The following AGAP1 variants were observed in gnomAD, a reference collection of about 807,000 sequenced individuals.
AGAP1 encodes arf-GAP with GTPase, ANK repeat and PH domain-containing protein 1.
AGAP1 carries 29 observed loss-of-function variants against 105.3 expected under a neutral mutation model. That is an observed-to-expected ratio of 0.28 (90% CI 0.21 to 0.38). The LOEUF (loss-of-function observed/expected upper bound fraction) is 0.38, where lower values mean the gene tolerates loss of function less well. Ranked by LOEUF, AGAP1 falls within the 10% of genes least tolerant of loss-of-function variation. The pLI is 1.00. For synonymous variants in AGAP1, 509 were observed against 485.9 expected (o/e 1.05, Z -0.63); for missense variants, 998 against 1,165.1 (o/e 0.86, Z 2.09).
Position 235,751,831 on chromosome 2 carries a change from C to T in AGAP1, c.673+1343C>T, listed in dbSNP as rs1255085186. Reference sequence around the variant, plus strand: ...TTATCCAGTGCCAATGCTGAAGAAGCGCAGGGTCCCCTGAGGATCAGCACA... The same window carrying T: ...TTATCCAGTGCCAATGCTGAAGAAGTGCAGGGTCCCCTGAGGATCAGCACA... On this transcript the variant is annotated intron_variant, in intron 6 of 17. Transcript: ENST00000304032. The surrounding 1 kb of genome is among the most constrained non-coding windows in gnomAD (Gnocchi z 5.3). 1.3e-5 allele frequency among the ~76,000 whole-genome samples: 2 copies of T among 152,302 alleles called. No homozygotes were observed. Among genetic ancestry groups the T allele is most frequent in the East Asian group, 1.9e-4 (1 of 5,180 alleles).
rs1951329219 is a variant in AGAP1, at chr2:235,720,544, C to T, written c.310+2900C>T. The T allele has an allele frequency of 2.2e-6, 1 of 452,850 alleles. No homozygotes were observed. The highest frequency in any genetic ancestry group is 2.9e-6 in the Non-Finnish European group (1 of 343,868). 28.1% of individuals were successfully genotyped at this position (452,850 alleles called of 1,614,324 possible). A position where few individuals can be genotyped will look rare whatever the true frequency, so the allele number is the denominator to read the frequency against. On this transcript the variant is annotated intron_variant, in intron 3 of 17. Coordinates refer to ENST00000304032, the MANE Select transcript of AGAP1 (RefSeq NM_001037131.3). The surrounding 1 kb of genome is among the most constrained non-coding windows in gnomAD (Gnocchi z 5.0). ...TGTGGCCTTCCCATTTCTTGGTGTA[C>T]TGCTGCCTTCTCATCAGACCTCCTT...
rs1575248061 is a variant in AGAP1 at position 235,729,111 on chromosome 2, A to G, written c.310+11467A>G. 6.6e-6 allele frequency among the ~76,000 whole-genome samples: 1 copy of G among 151,986 alleles called. No homozygotes were observed. Among genetic ancestry groups the G allele is most frequent in the African/African-American group, 2.4e-5 (1 of 41,348 alleles). ...GCAGGAGCACTGGCTTTGGAGGGGG[A>G]CCTAAGAGGACAGATAGGGGAATCC... is the stretch of plus-strand genomic sequence containing the variant. On this transcript the variant is annotated intron_variant, in intron 3 of 17. Coordinates refer to ENST00000304032, the MANE Select transcript of AGAP1 (RefSeq NM_001037131.3). This position sits in a 1 kb window ranked among gnomAD's most constrained non-coding sequence, Gnocchi z 5.0.
At position 235,589,189 on chromosome 2, in the gene AGAP1, G is replaced by GTTT. The variant is rs1205771315; in HGVS notation, c.163+94342_163+94344dup. ...GAGAACTACCAGTTAATAGCTTATT[G>GTTT]TTTTGTTTTTTTTTTTTTTTTTTTT... is the stretch of plus-strand genomic sequence containing the variant. On this transcript the variant is annotated intron_variant, in intron 1 of 17. Transcript: ENST00000304032. 9.7e-3 allele frequency among the ~76,000 whole-genome samples: 533 copies of GTTT among 54,828 alleles called. 80 individuals are homozygous for GTTT. Among genetic ancestry groups the GTTT allele is most frequent in the Middle Eastern group, 0.047 (3 of 64 alleles). 36.0% of individuals were successfully genotyped at this position (54,828 alleles called of 152,430 possible).
chr2:235,887,864 G>T lies in AGAP1; in HGVS notation c.1155+4415G>T, dbSNP rs758101121. Among the ~76,000 whole-genome samples the T allele has an allele frequency of 2.6e-5, 4 of 152,176 alleles. No homozygotes were observed. The highest frequency in any genetic ancestry group is 5.9e-5 in the Non-Finnish European group (4 of 68,042). On this transcript the variant is annotated intron_variant, in intron 10 of 17. Transcript: ENST00000304032. The surrounding 1 kb of genome is among the most constrained non-coding windows in gnomAD (Gnocchi z 4.1). ...TAATCAGCTAATACTTCTATTATGG[G>T]GTGCTGACTTGAGAGCGCCAGGCTT...
rs1423666776 is a variant in AGAP1 at position 236,105,960 on chromosome 2, A to C, written c.2115-14232A>C. 6.6e-6 allele frequency among the ~76,000 whole-genome samples: 1 copy of C among 151,956 alleles called. No homozygotes were observed. The highest frequency in any genetic ancestry group is 1.5e-5 in the Non-Finnish European group (1 of 67,990). ...CATGGGAGTCTACTCTCCTGACCTA[A>C]TCACCTCCCAGAGGTCCTGTCACCA... is the stretch of plus-strand genomic sequence containing the variant. On this transcript the variant is annotated intron_variant, in intron 16 of 17. Coordinates refer to ENST00000304032, the MANE Select transcript of AGAP1 (RefSeq NM_001037131.3). The surrounding 1 kb of genome is among the most constrained non-coding windows in gnomAD (Gnocchi z 4.2).
chr2:235,540,575 T>G (rs1468780832), intron 1 of AGAP1, among the ~76,000 whole-genome samples: 2 of 152,260 alleles, frequency 1.3e-5, no homozygotes, highest in African/African-American at 4.8e-5. Flanking sequence ...GCTAGAAAGC[T>G]GTGCTCCCTC....
rs1316077030 is a variant in AGAP1 at position 235,970,242 on chromosome 2, ATGT to A, written c.1645+1623_1645+1625del. ...AAAAAAAAAAAAGACGATTTTTCTC[ATGT>A]TGTGGGGAGTGAGGATAATCCCATT... On this transcript the variant is annotated intron_variant, in intron 13 of 17. Transcript: ENST00000304032. The surrounding 1 kb of genome is among the most constrained non-coding windows in gnomAD (Gnocchi z 5.4). 6.7e-6 allele frequency among the ~76,000 whole-genome samples: 1 copy of A among 149,292 alleles called. No homozygotes were observed. The highest frequency in any genetic ancestry group is 2.0e-4 in the East Asian group (1 of 5,058).
At chr2:235,637,450 A>ATT (rs11293469) in intron 1 of AGAP1, among the ~76,000 whole-genome samples, 3 of 143,872 alleles carry the variant, frequency 2.1e-5, no homozygotes, top group African/African-American at 5.1e-5. Context: ...TTGTATTATT[A>ATT]TTTTTTTTTT....
chr2:235,841,432 C>G (rs1425603815), intron 9 of AGAP1, among the ~76,000 whole-genome samples: 1 of 152,084 alleles, frequency 6.6e-6, no homozygotes, highest in African/African-American at 2.4e-5. Flanking sequence ...AGTTCTATAC[C>G]AGCCTGGGCA....
rs1257390901 is a variant in AGAP1, at chr2:235,610,998, C to T, written c.164-98181C>T. ...GGCTTTCTTCCTAAGGCACCGTCTT[C>T]CTCATTGAAACTGTGCCCATGACCT... On this transcript the variant is annotated intron_variant, in intron 1 of 17. Transcript: ENST00000304032. The surrounding 1 kb of genome is among the most constrained non-coding windows in gnomAD (Gnocchi z 4.9). Among the ~76,000 whole-genome samples the T allele has an allele frequency of 1.3e-5, 2 of 152,148 alleles. No homozygotes were observed. Among genetic ancestry groups the T allele is most frequent in the Non-Finnish European group, 2.9e-5 (2 of 68,014 alleles).
intron 1 of AGAP1, among the ~76,000 whole-genome samples, chr2:235,657,803 AG>A: frequency 6.6e-6 from 1 of 152,326 alleles, no homozygotes; most frequent in Non-Finnish European, 1.5e-5. Flanking sequence ...ATTTGGAGAC[AG>A]GTTCTTTAAA....
intron 9 of AGAP1, among the ~76,000 whole-genome samples, chr2:235,853,359 G>A (rs2048557940): frequency 6.6e-6 from 1 of 152,178 alleles, no homozygotes; most frequent in African/African-American, 2.4e-5. Context: ...TCTTAGTACT[G>A]AGTTGGAAAT....
At position 235,680,507 on chromosome 2, in the gene AGAP1, A is replaced by G. The variant is rs117557222; in HGVS notation, c.164-28672A>G. Among the ~76,000 whole-genome samples the G allele has an allele frequency of 1.3e-3, 196 of 152,084 alleles. 6 individuals are homozygous for G. In the East Asian group the frequency reaches 0.03, roughly 23 times the overall value. On this transcript the variant is annotated intron_variant, in intron 1 of 17. Transcript: ENST00000304032. ...CCCCATCTCTGTTCTGTGGCTCTCTATGGGCCTGGGGAAGGGGTCCCAGGC... is the reference window on the plus strand; with the variant it reads ...CCCCATCTCTGTTCTGTGGCTCTCTGTGGGCCTGGGGAAGGGGTCCCAGGC...
chr2:236,065,389 A>G (rs1576212916), intron 16 of AGAP1, among the ~76,000 whole-genome samples: 1 of 152,226 alleles, frequency 6.6e-6, no homozygotes, highest in African/African-American at 2.4e-5. Context: ...TTTCTGAAAT[A>G]CACTCGCCCC....
rs1021038673 is a variant in AGAP1 at position 235,752,023 on chromosome 2, G to C, written c.673+1535G>C. Among the ~76,000 whole-genome samples the C allele has an allele frequency of 6.6e-6, 1 of 152,170 alleles. No homozygotes were observed. Among genetic ancestry groups the C allele is most frequent in the African/African-American group, 2.4e-5 (1 of 41,448 alleles). ...GAGACTTGGAAGAACTGTGCAGGGA[G>C]GCCCTTAGAGCTCTTCTGAGAGGTG... On this transcript the variant is annotated intron_variant, in intron 6 of 17. Coordinates refer to ENST00000304032, the MANE Select transcript of AGAP1 (RefSeq NM_001037131.3). This position sits in a 1 kb window ranked among gnomAD's most constrained non-coding sequence, Gnocchi z 4.3.
chr2:235,883,246 G>T lies in AGAP1; in HGVS notation c.1051-99G>T. The T allele has an allele frequency of 3.1e-6, 3 of 960,658 alleles. No individual in the cohort carries two copies. Among genetic ancestry groups the T allele is most frequent in the Non-Finnish European group, 4.9e-6 (3 of 614,456 alleles). 59.5% of individuals were successfully genotyped at this position (960,658 alleles called of 1,614,324 possible). ...CGCCAGTATCACAGAGTGAAGTTCT[G>T]CACACACACAGAACTTGAATGTATA... On this transcript the variant is annotated intron_variant, in intron 9 of 17. Transcript: ENST00000304032. The surrounding 1 kb of genome is among the most constrained non-coding windows in gnomAD (Gnocchi z 4.5).
Position 235,864,770 on chromosome 2 carries a change from T to TC in AGAP1, c.1051-18574dup, listed in dbSNP as rs139265535. 0.035 allele frequency among the ~76,000 whole-genome samples: 5,362 copies of TC among 152,318 alleles called. 294 individuals are homozygous for TC. The highest frequency in any genetic ancestry group is 0.12 in the African/African-American group (4,819 of 41,560). ...GTTTTTCTTAGTTTCCTTTTCCTTTTCTTTTCTTTCCTTTGGATGGAGGAG... is the reference window on the plus strand; with the variant it reads ...GTTTTTCTTAGTTTCCTTTTCCTTTTCCTTTTCTTTCCTTTGGATGGAGGAG... On this transcript the variant is annotated intron_variant, in intron 9 of 17. Coordinates refer to ENST00000304032, the MANE Select transcript of AGAP1 (RefSeq NM_001037131.3). This position sits in a 1 kb window ranked among gnomAD's most constrained non-coding sequence, Gnocchi z 5.0.
chr2:235,626,367 G>A (rs1250642659), intron 1 of AGAP1, among the ~76,000 whole-genome samples: 1 of 152,032 alleles, frequency 6.6e-6, no homozygotes, highest in African/African-American at 2.4e-5. Context: ...AGCCAAAAAC[G>A]AACTGAATAT....
chr2:235,779,486 C>G (rs1956124351), intron 6 of AGAP1, among the ~76,000 whole-genome samples: 1 of 152,208 alleles, frequency 6.6e-6, no homozygotes, highest in African/African-American at 2.4e-5. Flanking sequence ...CCATATTTGG[C>G]TATGTGAGAA....
Sources: allele counts gnomAD v4.1 joint callset (sites outside exome capture counted in the v4.1 genomes callset), GRCh38; gene constraint gnomAD v4.1.1; non-coding constraint Gnocchi (gnomAD v3.1); transcripts MANE v1.5; gene names NCBI Gene and HGNC (gene_info 2026-07-23, HGNC 2026-07-21).